The following TBX5 variants were observed in gnomAD, a reference collection of about 807,000 sequenced individuals.
TBX5 encodes T-box transcription factor TBX5.
TBX5 carries 8 observed loss-of-function variants against 51.1 expected under a neutral mutation model. That is an observed-to-expected ratio of 0.16 (90% CI 0.09 to 0.28). The LOEUF is 0.28. Among genes scored for constraint, TBX5 ranks in the 10% least tolerant of loss-of-function variants. The probability of loss-of-function intolerance (pLI) is 1.00; values close to 1 mark genes in which losing one functional copy is unlikely to be tolerated. For synonymous variants in TBX5, 302 were observed against 266.4 expected, an observed-to-expected ratio of 1.13 and a Z score of -1.30; for missense variants, 589 against 671.7, an observed-to-expected ratio of 0.88 and a Z score of 1.36.
chr12:114,371,919 T>C (rs1483053376), intron 7 of TBX5, among the ~76,000 whole-genome samples: 2 of 152,114 alleles, frequency 1.3e-5, no homozygotes, highest in Non-Finnish European at 2.9e-5. Flanking sequence ...ATCACTGGCT[T>C]CTTCAAGTCT....
chr12:114,389,517 G>A (rs1871028589), intron 6 of TBX5, among the ~76,000 whole-genome samples: 1 of 151,074 alleles, frequency 6.6e-6, no homozygotes, highest in African/African-American at 2.4e-5. Context: ...CACTTTGGGA[G>A]GCAGAGGCGG....
At chr12:114,406,582 T>G (rs1872240678), upstream of TBX5, among the ~76,000 whole-genome samples, 1 of 149,718 alleles carries the variant, frequency 6.7e-6, no homozygotes, top group South Asian at 2.3e-4. Context: ...ACATCTCCCC[T>G]CCACCCCCTA....
At chr12:114,356,830 A>G (rs1249916699) in intron 8 of TBX5, among the ~76,000 whole-genome samples, 3 of 152,202 alleles carry the variant, frequency 2.0e-5, no homozygotes, top group Non-Finnish European at 4.4e-5. Flanking sequence ...CTCATCTTAC[A>G]GATGAGAGAA....
At chr12:114,407,530 C>G (rs1274115454), upstream of TBX5, among the ~76,000 whole-genome samples, 1 of 152,178 alleles carries the variant, frequency 6.6e-6, no homozygotes, top group Non-Finnish European at 1.5e-5. Flanking sequence ...TCAGGCCCCT[C>G]CAGAGAGGAA....
intron 7 of TBX5, among the ~76,000 whole-genome samples, chr12:114,368,613 C>A (rs966760201): frequency 6.6e-6 from 1 of 152,204 alleles, no homozygotes; most frequent in Non-Finnish European, 1.5e-5. Context: ...TTCCTCATAA[C>A]TTTTGCATTG....
chr12:114,402,426 A>G (rs376125509), intron 2 of TBX5, among the ~76,000 whole-genome samples: 3 of 152,364 alleles, frequency 2.0e-5, no homozygotes, highest in East Asian at 3.9e-4. Flanking sequence ...ATGCCCACAC[A>G]TCAAACATAC....
At chr12:114,383,328 C>T (rs996710616) in intron 7 of TBX5, among the ~76,000 whole-genome samples, 5 of 152,042 alleles carry the variant, frequency 3.3e-5, no homozygotes, top group East Asian at 3.9e-4. Context: ...TTGACACAGA[C>T]GAAATGTGTG....
At chr12:114,358,633 A>C (rs1281265932) in intron 8 of TBX5, among the ~76,000 whole-genome samples, 1 of 152,166 alleles carries the variant, frequency 6.6e-6, no homozygotes, top group Non-Finnish European at 1.5e-5. Context: ...TAGGATACCA[A>C]AAAAATTTGT....
chr12:114,367,252 G>GGAAAGAAAAGAGAAA (rs1555224054), intron 7 of TBX5, among the ~76,000 whole-genome samples: 2 of 141,240 alleles, frequency 1.4e-5, no homozygotes, highest in Non-Finnish European at 3.1e-5. Context: ...AAACAAAAAA[G>GGAAAGAAAAGAGAAA]GAAAGAAAGA....
chr12:114,405,792 G>T lies in TBX5; in HGVS notation c.-203C>A. 3 of 985,552 alleles carry T rather than the reference G, an allele frequency of 3.0e-6. No individual in the cohort carries two copies. The highest frequency in any genetic ancestry group is 3.6e-6 in the Non-Finnish European group (3 of 830,048). 61.1% of individuals were successfully genotyped at this position (985,552 alleles called of 1,614,324 possible). A position where few individuals can be genotyped will look rare whatever the true frequency, so the allele number is the denominator to read the frequency against. On this transcript the variant is annotated 5_prime_UTR_variant, in exon 1 of 9. Transcript: ENST00000405440. ...GCCTACTAGGGCGCACCTACCGCTG[G>T]AGCCTCCGCGGCGACTGCCCACCTC...
At chr12:114,370,283 GAAAAGAAAGA>G (rs1869802154) in intron 7 of TBX5, among the ~76,000 whole-genome samples, 2 of 40,548 alleles carry the variant, frequency 4.9e-5, no homozygotes, top group Non-Finnish European at 7.9e-5. Flanking sequence ...GAAAAGAAAA[GAAAAGAAAGA>G]AAAGAAAAGA....
rs2136359975 is a variant in TBX5 at position 114,355,943 on chromosome 12, G to A, written c.1146C>T (p.Ser382=). ...GCACAGGCTCGCTGGGGGGCGCAGA[G>A]CTGGCATACATGCAAGCTTGCCGCT... ...SAQRQACMYA[S]SAPPSEPVPS... Residue 382 remains serine, a synonymous_variant, in exon 9 of 9, where the codon AGC becomes AGT. Transcript: ENST00000405440. 6.2e-7 allele frequency: 1 copy of A among 1,613,922 alleles called. No individual in the cohort carries two copies. Among genetic ancestry groups the A allele is most frequent in the South Asian group, 1.1e-5 (1 of 91,086 alleles).
chr12:114,407,667 C>A, upstream of TBX5: 3 of 720,642 alleles, frequency 4.2e-6, no homozygotes, highest in Non-Finnish European at 5.1e-6. Context: ...TGCCAGGTGA[C>A]ACACGAAGCC....
At chr12:114,402,708 T>G (rs1235832289) in intron 2 of TBX5, among the ~76,000 whole-genome samples, 1 of 152,094 alleles carries the variant, frequency 6.6e-6, no homozygotes, top group Non-Finnish European at 1.5e-5. Flanking sequence ...CAAATGTATA[T>G]ATATACATAT....
chr12:114,370,312 GAAAGA>G lies in TBX5; in HGVS notation c.756-3926_756-3922del, dbSNP rs146327101. ...AGAAAGAAAAGAAAAGAAAAGAAAA[GAAAGA>G]AAAGAAAAGAAAAGAGAAAAGAAAA... On this transcript the variant is annotated intron_variant, in intron 7 of 8. Coordinates refer to ENST00000405440, the MANE Select transcript of TBX5 (RefSeq NM_181486.4). 6.8e-3 allele frequency among the ~76,000 whole-genome samples: 804 copies of G among 117,822 alleles called. 14 individuals are homozygous for G. The highest frequency in any genetic ancestry group is 0.026 in the African/African-American group (748 of 29,046). 77.3% of individuals were successfully genotyped at this position (117,822 alleles called of 152,430 possible).
At chr12:114,362,004 C>T (rs982046243) in intron 8 of TBX5, among the ~76,000 whole-genome samples, 32 of 152,070 alleles carry the variant, frequency 2.1e-4, no homozygotes, top group Non-Finnish European at 2.9e-5. Flanking sequence ...GGGCCACTCA[C>T]GAGCTGAGTG....
intron 3 of TBX5, among the ~76,000 whole-genome samples, chr12:114,401,451 G>A (rs73394813): frequency 0.032 from 4,905 of 152,202 alleles, 263 homozygotes; most frequent in African/African-American, 0.11. Flanking sequence ...TCTAGACTCT[G>A]TCTTCTCTGG....
At chr12:114,376,918 C>A (rs1225638142) in intron 7 of TBX5, among the ~76,000 whole-genome samples, 1 of 151,862 alleles carries the variant, frequency 6.6e-6, no homozygotes, top group African/African-American at 2.4e-5. Flanking sequence ...GGTGGGGGTA[C>A]CTGAGTGGGA....
At chr12:114,375,171 G>A (rs1446930476) in intron 7 of TBX5, among the ~76,000 whole-genome samples, 1 of 152,188 alleles carries the variant, frequency 6.6e-6, no homozygotes. Flanking sequence ...GGCTTTGTTT[G>A]CAGAAATACA....
Sources: gnomAD v4.1 joint callset for allele counts (sites outside exome capture counted in the v4.1 genomes callset) on GRCh38, gnomAD v4.1.1 for gene constraint, MANE v1.5 for transcripts, NCBI Gene and HGNC (gene_info 2026-07-23, HGNC 2026-07-21) for gene names.